ARFGEF2: variants seen among roughly 807,000 people sequenced by gnomAD.
ARFGEF2 encodes brefeldin A-inhibited guanine nucleotide-exchange protein 2.
A neutral mutation model predicts 219.9 loss-of-function variants in ARFGEF2; 74 were observed. The ratio of observed to expected loss-of-function variants is 0.34; its 90% CI spans 0.28 to 0.41. ARFGEF2 has a LOEUF of 0.41. Among genes scored for constraint, ARFGEF2 ranks in the 10% least tolerant of loss-of-function variants. The pLI, the probability that ARFGEF2 is intolerant of heterozygous loss-of-function variation, is 1.00. For synonymous variants in ARFGEF2, 733 were observed against 799.2 expected (o/e 0.92, Z 1.40); for missense variants, 1,743 against 2,218.3 (o/e 0.79, Z 4.30).
chr20:48,978,953 A>G (rs1251075587), intron 14 of ARFGEF2, among the ~76,000 whole-genome samples: 1 of 152,146 alleles, frequency 6.6e-6, no homozygotes, highest in East Asian at 1.9e-4. Flanking sequence ...TTCCTGATTG[A>G]ATACGCTTTA....
intron 1 of ARFGEF2, among the ~76,000 whole-genome samples, chr20:48,925,702 T>C (rs2090872517): frequency 6.6e-6 from 1 of 152,026 alleles, no homozygotes; most frequent in African/African-American, 2.4e-5. Flanking sequence ...CTGGGTGTGG[T>C]AGTGCATGCC....
At chr20:49,031,797 T>C (rs1292307509) in intron 37 of ARFGEF2, among the ~76,000 whole-genome samples, 1 of 151,806 alleles carries the variant, frequency 6.6e-6, no homozygotes, top group Non-Finnish European at 1.5e-5. Flanking sequence ...AAGCATGTAG[T>C]GTTAGCTGCT....
At chr20:48,967,839 A>G (rs531710094) in intron 8 of ARFGEF2, among the ~76,000 whole-genome samples, 40 of 152,330 alleles carry the variant, frequency 2.6e-4, no homozygotes, top group Non-Finnish European at 5.3e-4. Flanking sequence ...AATGATGAGT[A>G]ATAAGGTCAT....
chr20:48,999,329 C>A, intron 25 of ARFGEF2: 2 of 398,252 alleles, frequency 5.0e-6, no homozygotes, highest in Non-Finnish European at 9.8e-6. Flanking sequence ...ATAAACCAGA[C>A]TGAACTTCTT....
intron 23 of ARFGEF2, among the ~76,000 whole-genome samples, chr20:48,996,682 T>G (rs991680487): frequency 4.0e-5 from 6 of 150,524 alleles, no homozygotes; most frequent in Non-Finnish European, 7.4e-5. Context: ...AGGCAGAGGT[T>G]GTAGTGGGCC....
intron 6 of ARFGEF2, among the ~76,000 whole-genome samples, chr20:48,960,222 A>G (rs1054647467): frequency 1.3e-5 from 2 of 152,210 alleles, no homozygotes; most frequent in Non-Finnish European, 2.9e-5. Flanking sequence ...CCTGTACACC[A>G]TGTTACTGTA....
At chr20:48,989,462 C>A (rs755159015) in intron 19 of ARFGEF2, 26 bp downstream of exon 19, 1 of 1,614,118 alleles carries the variant, frequency 6.2e-7, no homozygotes, top group African/African-American at 1.3e-5. Flanking sequence ...ACTTAGCAAG[C>A]ATGTGGCTAA....
chr20:48,963,752 A>C, intron 6 of ARFGEF2, 78 bp from the exon 7 acceptor site: 1 of 1,404,264 alleles, frequency 7.1e-7, no homozygotes, highest in Non-Finnish European at 1.0e-6. Flanking sequence ...GTAACTCCCC[A>C]TAATCTCCTT....
intron 3 of ARFGEF2, among the ~76,000 whole-genome samples, chr20:48,946,269 TA>T (rs2091025835): frequency 6.6e-6 from 1 of 152,146 alleles, no homozygotes; most frequent in South Asian, 2.1e-4. Flanking sequence ...TAAGCACAGT[TA>T]GCTCAGGCTT....
intron 3 of ARFGEF2, among the ~76,000 whole-genome samples, chr20:48,942,790 G>A (rs1160217188): frequency 6.6e-6 from 1 of 152,074 alleles, no homozygotes; most frequent in Non-Finnish European, 1.5e-5. Context: ...GTAGTTATGT[G>A]CTATAAAGTC....
chr20:48,942,080 C>CA (rs1338727269), intron 3 of ARFGEF2, 93 bp downstream of exon 3: 1 of 1,514,450 alleles, frequency 6.6e-7, no homozygotes, highest in African/African-American at 1.4e-5. Context: ...CGCTGGCACT[C>CA]AGTGCTGTCA....
chr20:48,983,968 C>T (rs571635473), intron 14 of ARFGEF2, among the ~76,000 whole-genome samples: 2 of 151,178 alleles, frequency 1.3e-5, no homozygotes, highest in African/African-American at 4.9e-5. Context: ...TATCCCAGCA[C>T]GTTGGGAGGC....
At chr20:48,968,214 C>T (rs1311027074) in intron 8 of ARFGEF2, among the ~76,000 whole-genome samples, 1 of 151,940 alleles carries the variant, frequency 6.6e-6, no homozygotes, top group East Asian at 1.9e-4. Context: ...AGGATGATCT[C>T]GATCTCCTGA....
At position 48,929,997 on chromosome 20, in the gene ARFGEF2, C is replaced by G. The variant is rs908903979; in HGVS notation, c.121+7987C>G. On this transcript the variant is annotated intron_variant, in intron 1 of 38. Coordinates refer to ENST00000371917, the MANE Select transcript of ARFGEF2 (RefSeq NM_006420.3). Reference sequence around the variant, plus strand: ...TATTTTGGAAAAATCATTTGGACCACTGTGTTCAGAACATCTTAGGGGAAG... The same window carrying G: ...TATTTTGGAAAAATCATTTGGACCAGTGTGTTCAGAACATCTTAGGGGAAG... Among the ~76,000 whole-genome samples, 5 of 152,158 alleles carry G rather than the reference C, an allele frequency of 3.3e-5. No individual in the cohort carries two copies. In the South Asian group the frequency reaches 1.0e-3, roughly 31 times the overall value.
chr20:49,008,657 GATAGTGAAACGT>G (rs1208788427), intron 26 of ARFGEF2, among the ~76,000 whole-genome samples: 5 of 150,288 alleles, frequency 3.3e-5, no homozygotes, highest in Non-Finnish European at 7.4e-5. Flanking sequence ...ATATAATAGA[GATAGTGAAACGT>G]GTATCTCTCC....
chr20:49,009,892 G>A (rs1046794855), intron 26 of ARFGEF2, among the ~76,000 whole-genome samples: 2 of 152,156 alleles, frequency 1.3e-5, no homozygotes, highest in Admixed American at 6.6e-5. Flanking sequence ...TATTGTTTTC[G>A]TAACAAGAAA....
At chr20:49,018,836 T>G (rs757351564) in intron 33 of ARFGEF2, 48 bp from the exon 34 acceptor site, 1 of 1,533,470 alleles carries the variant, frequency 6.5e-7, no homozygotes, top group Non-Finnish European at 9.0e-7. Flanking sequence ...CTGCCCAAAT[T>G]ATCATGAAGA....
chr20:49,013,495 T>G, intron 28 of ARFGEF2, 69 bp from the exon 29 acceptor site: 1 of 1,603,254 alleles, frequency 6.2e-7, no homozygotes, highest in East Asian at 2.2e-5. Flanking sequence ...TTAATCTGCA[T>G]ATAGTTCCCT....
At chr20:49,003,717 G>A (rs113613973) in intron 25 of ARFGEF2, among the ~76,000 whole-genome samples, 2,334 of 152,284 alleles carry the variant, frequency 0.015, 67 homozygotes, top group South Asian at 0.084. Flanking sequence ...CTGGCAGGGG[G>A]TGTGGGTGGG....
Sources: gnomAD v4.1 joint callset for allele counts (sites outside exome capture counted in the v4.1 genomes callset) on GRCh38, gnomAD v4.1.1 for gene constraint, MANE v1.5 for transcripts, NCBI Gene and HGNC (gene_info 2026-07-23, HGNC 2026-07-21) for gene names.